The following CXCL12 variants were observed in gnomAD, a reference collection of about 807,000 sequenced individuals.
The protein encoded by CXCL12 is C-X-C motif chemokine ligand 12.
A neutral mutation model predicts 10.7 loss-of-function variants in CXCL12; 4 were observed. The observed-to-expected ratio is 0.37, with a 90% CI of 0.18 to 0.86. The LOEUF is 0.86. Among genes scored for constraint, CXCL12 ranks in the 40% least tolerant of loss-of-function variants. CXCL12 has a pLI of 0.43. For missense variants in CXCL12, 122 were observed against 110.4 expected (o/e 1.10, Z -0.47); for synonymous variants, 54 against 45.4 (o/e 1.19, Z -0.77).
intron 1 of CXCL12, 32 bp downstream of exon 1, chr10:44,384,913 C>G (rs1476635158): frequency 6.5e-7 from 1 of 1,531,848 alleles, no homozygotes; most frequent in Admixed American, 1.9e-5. Context: ...AGCCCAGAGC[C>G]TCGCCAGGGC....
At chr10:44,375,786 C>T (rs540720304), downstream of CXCL12, 650 of 1,423,064 alleles carry the variant, frequency 4.6e-4, 4 homozygotes, top group South Asian at 3.5e-3. Context: ...ATACAGAAGC[C>T]GGTGTGGCTG....
At position 44,385,068 on chromosome 10, in the gene CXCL12, A is replaced by T; in HGVS notation, c.-63T>A. On this transcript the variant is annotated 5_prime_UTR_variant, in exon 1 of 3. Coordinates refer to ENST00000343575, the MANE Select transcript of CXCL12 (RefSeq NM_199168.4). ...GTCGGGGGCCGGACGCCGAGCGGGC[A>T]ATGCGGCTGACGGAGAGTGAAAGTG... The T allele has an allele frequency of 1.6e-6, 2 of 1,264,464 alleles. No homozygotes were observed. The highest frequency in any genetic ancestry group is 2.1e-6 in the Non-Finnish European group (2 of 948,032). 78.3% of individuals were successfully genotyped at this position (1,264,464 alleles called of 1,614,324 possible).
chr10:44,380,535 C>T (rs1475531497), intron 2 of CXCL12: 1 of 530,084 alleles, frequency 1.9e-6, no homozygotes, highest in East Asian at 3.2e-5. Context: ...GAAGAGAGAA[C>T]TACTACGAGC....
chr10:44,371,049 G>A (rs191033855), downstream of CXCL12: 5 of 207,508 alleles, frequency 2.4e-5, no homozygotes, highest in South Asian at 2.5e-4. Flanking sequence ...TAAACAGCTC[G>A]TGGACGCACT....
intron 1 of CXCL12, 24 bp from the exon 2 acceptor site, chr10:44,380,904 G>C: frequency 6.3e-7 from 1 of 1,593,844 alleles, no homozygotes; most frequent in Non-Finnish European, 8.6e-7. Context: ...GGACAACAAG[G>C]CACTTTACTA....
At chr10:44,376,270 G>A (rs1355843175), downstream of CXCL12, among the ~76,000 whole-genome samples, 8 of 152,156 alleles carry the variant, frequency 5.3e-5, no homozygotes, top group Admixed American at 2.6e-4. Context: ...GGGTTACAGC[G>A]ACTGCCAATC....
chr10:44,371,489 A>G (rs1564457149), downstream of CXCL12: 1 of 247,762 alleles, frequency 4.0e-6, no homozygotes, highest in Non-Finnish European at 8.1e-6. Flanking sequence ...CTGTATCTTT[A>G]TAACTAGTAA....
chr10:44,379,914 C>G (rs1240772334), intron 2 of CXCL12, among the ~76,000 whole-genome samples: 1 of 152,180 alleles, frequency 6.6e-6, no homozygotes, highest in Non-Finnish European at 1.5e-5. Flanking sequence ...AAACTAAAAA[C>G]AGTTTTCTAA....
intron 1 of CXCL12, among the ~76,000 whole-genome samples, chr10:44,381,983 A>G (rs1564463603): frequency 6.6e-6 from 1 of 152,028 alleles, no homozygotes; most frequent in African/African-American, 2.4e-5. Context: ...GGAAATCTTG[A>G]GTAAGGGGCT....
rs1839477300 is a variant in CXCL12, at chr10:44,377,074, C to G, written c.*1559G>C. On this transcript the variant is annotated 3_prime_UTR_variant, in exon 3 of 3. Coordinates refer to ENST00000343575, the MANE Select transcript of CXCL12 (RefSeq NM_199168.4). ...CCAGAAACGTCTATAAGCTCCATCA[C>G]TAACAACTAATGAATTTTATTTCAG... 1.0e-6 allele frequency: 1 copy of G among 985,548 alleles called. No individual in the cohort carries two copies. Among genetic ancestry groups the G allele is most frequent in the African/African-American group, 1.7e-5 (1 of 57,220 alleles). The allele number at this position is 985,548 out of a possible 1,614,324, so 61.1% of individuals were successfully genotyped here. A position where few individuals can be genotyped will look rare whatever the true frequency, so the allele number is the denominator to read the frequency against.
rs1839511143 is a variant in CXCL12 at position 44,378,057 on chromosome 10, A to G, written c.*576T>C. 1 of 1,472,436 alleles carries G rather than the reference A, an allele frequency of 6.8e-7. No individual in the cohort carries two copies. The highest frequency in any genetic ancestry group is 8.9e-7 in the Non-Finnish European group (1 of 1,121,862). The allele number at this position is 1,472,436 out of a possible 1,614,324, so 91.2% of individuals were successfully genotyped here. The stretch of plus-strand genomic sequence containing the variant: ...AGCCAATCACTGAGGTTGAAAGAGG[A>G]GGTGAAGGCAGTGGCGGCGCCCAGC... On this transcript the variant is annotated 3_prime_UTR_variant, in exon 3 of 3. Coordinates refer to ENST00000343575, the MANE Select transcript of CXCL12 (RefSeq NM_199168.4).
Position 44,377,898 on chromosome 10 carries a change from T to A in CXCL12, c.*735A>T. On this transcript the variant is annotated 3_prime_UTR_variant, in exon 3 of 3. Coordinates refer to ENST00000343575, the MANE Select transcript of CXCL12 (RefSeq NM_199168.4). ...ACCCTCTTCCCGGCTGGTGCGGCGC[T>A]GATCAGGCTACAGAAATGAGAAGCA... 2.6e-6 allele frequency: 4 copies of A among 1,564,312 alleles called. No individual in the cohort carries two copies. Among genetic ancestry groups the A allele is most frequent in the Non-Finnish European group, 3.4e-6 (4 of 1,163,668 alleles).
In CXCL12 at chr10:44,378,719, G is replaced by C. The variant is rs529221485; in HGVS notation, c.184C>G (p.Arg62Gly). 7 of 1,614,006 alleles carry C rather than the reference G, an allele frequency of 4.3e-6. No homozygotes were observed. The highest frequency in any genetic ancestry group is 5.1e-6 in the Non-Finnish European group (6 of 1,180,010). ...TPNCALQIVA[R>G]LKNNNRQVCI... is the part of the protein sequence containing the mutation. ...ACTTGTCTGTTGTTGTTCTTCAGCC[G>C]GGCTCTGTGAAAACAGAATGGCAAC... Residue 62 changes from arginine to glycine, a missense_variant, in exon 3 of 3, where the codon CGG becomes GGG. By Grantham distance (125) the Arg-to-Gly change is moderately radical. Transcript: ENST00000343575.
intron 1 of CXCL12, among the ~76,000 whole-genome samples, chr10:44,384,465 A>C (rs368056537): frequency 3.3e-5 from 5 of 152,330 alleles, no homozygotes; most frequent in South Asian, 2.1e-4. Context: ...CACAGCCTCA[A>C]GTCGCGGCAT....
downstream of CXCL12, chr10:44,374,282 C>A: frequency 2.7e-6 from 1 of 367,804 alleles, no homozygotes; most frequent in Non-Finnish European, 5.4e-6. Flanking sequence ...CCTCCCCAGG[C>A]ACAAAGCCCT....
downstream of CXCL12, among the ~76,000 whole-genome samples, chr10:44,375,379 G>C (rs959023862): frequency 6.6e-6 from 1 of 152,220 alleles, no homozygotes; most frequent in African/African-American, 2.4e-5. Flanking sequence ...GAAAGGCAAT[G>C]GGTATTTGGA....
downstream of CXCL12, among the ~76,000 whole-genome samples, chr10:44,375,484 T>TGTTGG (rs1554811156): frequency 6.6e-6 from 1 of 151,902 alleles, no homozygotes; most frequent in Admixed American, 6.5e-5. Context: ...AGGCCACCTC[T>TGTTGG]GCTAGCAGGT....
downstream of CXCL12, chr10:44,373,379 A>G: frequency 6.4e-7 from 1 of 1,572,258 alleles, no homozygotes; most frequent in Non-Finnish European, 8.7e-7. Context: ...CCATTAAGGC[A>G]GGTTCCCCCC....
chr10:44,378,226 A>C lies in CXCL12; in HGVS notation c.*407T>G, dbSNP rs1839517425. ...GTGCCCAGACTCCCCAGGGGAGCAG[A>C]GGAGATGCTCCAAACAAGCCAAATT... On this transcript the variant is annotated 3_prime_UTR_variant, in exon 3 of 3. Transcript: ENST00000343575. The C allele has an allele frequency of 2.7e-6, 4 of 1,456,200 alleles. No individual in the cohort carries two copies. Among genetic ancestry groups the C allele is most frequent in the Non-Finnish European group, 3.7e-6 (4 of 1,094,284 alleles). The allele number at this position is 1,456,200 out of a possible 1,614,324, so 90.2% of individuals were successfully genotyped here.
Sources: gnomAD v4.1 joint callset for allele counts (sites outside exome capture counted in the v4.1 genomes callset) on GRCh38, gnomAD v4.1.1 for gene constraint, MANE v1.5 for transcripts, NCBI Gene and HGNC (gene_info 2026-07-23, HGNC 2026-07-21) for gene names.